NAV3: variants seen among roughly 807,000 people sequenced by gnomAD.
NAV3 encodes the protein neuron navigator 3.
A neutral mutation model predicts 244.7 loss-of-function variants in NAV3; 87 were observed. The observed-to-expected ratio is 0.36, with a 90% CI of 0.30 to 0.42. The LOEUF (loss-of-function observed/expected upper bound fraction) is 0.42. Among genes scored for constraint, NAV3 ranks in the 20% least tolerant of loss-of-function variants. NAV3 has a pLI of 1.00. For missense variants in NAV3, 2,663 were observed against 2,893.3 expected (o/e 0.92, Z 1.83); for synonymous variants, 1,126 against 1,042.2 (o/e 1.08, Z -1.55).
intron 2 of NAV3, among the ~76,000 whole-genome samples, chr12:77,790,855 G>T (rs986273138): frequency 6.6e-6 from 1 of 152,110 alleles, no homozygotes; most frequent in East Asian, 1.9e-4. Flanking sequence ...CACTCAGGGC[G>T]ACCTTTGCTG....
chr12:77,633,593 A>C (rs1486281847), intron 2 of NAV3, among the ~76,000 whole-genome samples: 2 of 152,162 alleles, frequency 1.3e-5, no homozygotes. Context: ...TAGTTCACTT[A>C]AAATATTTAA....
intron 2 of NAV3, among the ~76,000 whole-genome samples, chr12:77,604,415 T>G (rs1382691288): frequency 6.6e-6 from 1 of 151,984 alleles, no homozygotes; most frequent in Non-Finnish European, 1.5e-5. Context: ...CTCAGAAAGA[T>G]GAAGAACATT....
chr12:77,741,039 A>C (rs1868318544), intron 2 of NAV3, among the ~76,000 whole-genome samples: 1 of 148,344 alleles, frequency 6.7e-6, no homozygotes, highest in South Asian at 2.2e-4. Flanking sequence ...CAACTTTCTG[A>C]TGGATAATTT....
intron 28 of NAV3, among the ~76,000 whole-genome samples, chr12:78,178,875 A>G (rs61936251): frequency 0.073 from 11,074 of 152,184 alleles, 780 homozygotes; most frequent in African/African-American, 0.19. Context: ...ACAAGGATAC[A>G]ATGTGTTTCC....
At chr12:78,193,501 C>T (rs1959070644) in intron 34 of NAV3, among the ~76,000 whole-genome samples, 1 of 152,102 alleles carries the variant, frequency 6.6e-6, no homozygotes, top group Non-Finnish European at 1.5e-5. Context: ...TGTGGTGTTC[C>T]ACCTGTAGTT....
intron 1 of NAV3, among the ~76,000 whole-genome samples, chr12:77,938,216 G>A (rs1371685353): frequency 1.3e-5 from 2 of 152,114 alleles, no homozygotes; most frequent in African/African-American, 2.4e-5. Context: ...TGTTAAGAAG[G>A]GGAGTGTGCT....
At chr12:77,672,611 G>A (rs1430088473) in intron 2 of NAV3, among the ~76,000 whole-genome samples, 3 of 151,816 alleles carry the variant, frequency 2.0e-5, no homozygotes, top group Admixed American at 2.0e-4. Flanking sequence ...ATATACATAT[G>A]TATGTATATG....
chr12:78,111,705 A>G (rs1955101209), intron 12 of NAV3, among the ~76,000 whole-genome samples: 2 of 152,054 alleles, frequency 1.3e-5, no homozygotes, highest in Non-Finnish European at 2.9e-5. Context: ...TTCTTTATTC[A>G]CCCAAAATAT....
chr12:78,090,076 A>G (rs913585780), intron 12 of NAV3, among the ~76,000 whole-genome samples: 3 of 151,838 alleles, frequency 2.0e-5, no homozygotes, highest in African/African-American at 7.3e-5. Flanking sequence ...AAGTTTATCT[A>G]TGTCTCTTAT....
intron 1 of NAV3, among the ~76,000 whole-genome samples, chr12:77,888,457 G>C (rs1434420683): frequency 6.6e-6 from 1 of 152,072 alleles, no homozygotes; most frequent in Non-Finnish European, 1.5e-5. Flanking sequence ...AGCCTGGACA[G>C]CACAGCAAGA....
chr12:77,643,324 T>C (rs1345340103), intron 2 of NAV3, among the ~76,000 whole-genome samples: 2 of 151,890 alleles, frequency 1.3e-5, no homozygotes, highest in Non-Finnish European at 2.9e-5. Context: ...TAAATACATA[T>C]TTTATAAATT....
chr12:78,138,409 A>AG (rs35483746), intron 19 of NAV3, among the ~76,000 whole-genome samples: 50,940 of 151,864 alleles, frequency 0.34, 8,832 homozygotes, highest in East Asian at 0.48. Flanking sequence ...CTTCTGACTG[A>AG]GGGGTTAGGC....
intron 4 of NAV3, among the ~76,000 whole-genome samples, chr12:77,967,017 T>A (rs1242285): frequency 0.99 from 150,551 of 152,190 alleles, 74,488 homozygotes; most frequent in Middle Eastern, 1. Context: ...TTATATTTGC[T>A]TGTTATGATA....
chr12:78,009,571 G>C (rs1034614660), intron 8 of NAV3, among the ~76,000 whole-genome samples: 1 of 151,520 alleles, frequency 6.6e-6, no homozygotes, highest in Non-Finnish European at 1.5e-5. Context: ...TGCCACCACT[G>C]ATCAGTTGTG....
rs998132509 is a variant in NAV3, at chr12:77,744,126, A to G, written c.72+171860A>G. On this transcript the variant is annotated intron_variant, in intron 2 of 8. Transcript: ENST00000550042. ...GGATAACCAAATCATTTTATTTTTCAAAATAAGAAAGAAAGCTATTTCCAT... is the reference window on the plus strand; with the variant it reads ...GGATAACCAAATCATTTTATTTTTCGAAATAAGAAAGAAAGCTATTTCCAT... Among the ~76,000 whole-genome samples, 3 of 152,084 alleles carry G rather than the reference A, an allele frequency of 2.0e-5. No individual in the cohort carries two copies. In the East Asian group the frequency reaches 5.8e-4, roughly 29 times the overall value.
chr12:77,737,033 G>C (rs532774115), intron 2 of NAV3, among the ~76,000 whole-genome samples: 2 of 151,962 alleles, frequency 1.3e-5, no homozygotes, highest in East Asian at 3.9e-4. Context: ...AACTTGAAGA[G>C]GGTAAAGAAA....
intron 2 of NAV3, among the ~76,000 whole-genome samples, chr12:77,666,179 G>GT (rs35767149): frequency 0.035 from 4,130 of 119,138 alleles, 119 homozygotes; most frequent in Non-Finnish European, 0.049. Context: ...CATGTTTACA[G>GT]TTTTTTTTTT....
intron 2 of NAV3, among the ~76,000 whole-genome samples, chr12:77,795,064 T>C (rs1871345167): frequency 6.6e-6 from 1 of 152,120 alleles, no homozygotes; most frequent in Non-Finnish European, 1.5e-5. Flanking sequence ...TTAAGCTTAT[T>C]GAAGAAGGCA....
intron 1 of NAV3, among the ~76,000 whole-genome samples, chr12:77,839,817 C>T (rs1462042065): frequency 6.6e-6 from 1 of 152,176 alleles, no homozygotes; most frequent in African/African-American, 2.4e-5. Context: ...CACCTGTAAT[C>T]CCAGCACTTT....
Sources: allele counts gnomAD v4.1 joint callset (sites outside exome capture counted in the v4.1 genomes callset), GRCh38; gene constraint gnomAD v4.1.1; transcripts MANE v1.5; gene names NCBI Gene and HGNC (gene_info 2026-07-23, HGNC 2026-07-21).